MAGI3: variants seen among roughly 807,000 people sequenced by gnomAD.
MAGI3 encodes membrane-associated guanylate kinase, WW and PDZ domain-containing protein 3.
Under a neutral mutation model 121.8 loss-of-function variants are expected in MAGI3, and 43 were observed. That is an observed-to-expected ratio of 0.35 (90% confidence interval 0.28 to 0.46). The LOEUF is 0.46. MAGI3 is among the 20% of genes least tolerant of loss of function. The pLI is 1.00. For synonymous variants in MAGI3, 553 were observed against 639.3 expected (o/e 0.86, Z 2.04); for missense variants, 1,547 against 1,797.3 (o/e 0.86, Z 2.52).
chr1:113,568,220 T>C (rs1057151778), intron 2 of MAGI3, among the ~76,000 whole-genome samples: 7 of 152,036 alleles, frequency 4.6e-5, no homozygotes, highest in African/African-American at 1.7e-4. Flanking sequence ...TTTCATACCA[T>C]CAATATTTAG....
intron 1 of MAGI3, chr1:113,404,275 A>G (rs976282919): frequency 6.6e-6 from 1 of 152,170 alleles, no homozygotes; most frequent in Non-Finnish European, 1.5e-5. Context: ...AACTAAGACA[A>G]AAAGGAAAGA....
intron 8 of MAGI3, among the ~76,000 whole-genome samples, chr1:113,620,936 G>T (rs545766215): frequency 1.3e-5 from 2 of 152,106 alleles, no homozygotes; most frequent in Non-Finnish European, 2.9e-5. Context: ...TGCCTACAAT[G>T]GTATTAAGCA....
At chr1:113,567,250 CT>C (rs1388764222) in intron 2 of MAGI3, among the ~76,000 whole-genome samples, 1 of 151,822 alleles carries the variant, frequency 6.6e-6, no homozygotes, top group African/African-American at 2.4e-5. Context: ...AATAAAAAAT[CT>C]GAAAAGACCT....
intron 1 of MAGI3, among the ~76,000 whole-genome samples, chr1:113,533,369 T>C (rs1302475919): frequency 6.6e-6 from 1 of 152,140 alleles, no homozygotes; most frequent in Middle Eastern, 3.2e-3. Flanking sequence ...CATTTATAAA[T>C]GGTAGCTAAA....
At chr1:113,608,126 C>A (rs1010984429) in intron 6 of MAGI3, among the ~76,000 whole-genome samples, 1 of 151,986 alleles carries the variant, frequency 6.6e-6, no homozygotes, top group Non-Finnish European at 1.5e-5. Context: ...AGTTATATTG[C>A]ATTGTAACTA....
At chr1:113,535,464 CTCT>C (rs1397945216) in intron 1 of MAGI3, among the ~76,000 whole-genome samples, 2 of 151,946 alleles carry the variant, frequency 1.3e-5, no homozygotes, top group Admixed American at 6.6e-5. Context: ...CTGCACCTTC[CTCT>C]TTTTTTTAAC....
In MAGI3 at chr1:113,391,123, C is replaced by T. The variant is rs754521014; in HGVS notation, c.90C>T (p.Gly30=). The change falls in exon 1 of 21, where the codon GGC becomes GGT. Residue 30 remains glycine, a synonymous_variant. Transcript: ENST00000307546. The surrounding 1 kb of genome is among the most constrained non-coding windows in gnomAD (Gnocchi z 4.4). ...VSWAGPPGDF[G]AEIRGGAERG... ...GGGCCGGGCCCCCGGGCGACTTCGG[C>T]GCGGAGATCCGCGGTGGCGCGGAGC... 4 of 1,571,682 alleles carry T rather than the reference C, an allele frequency of 2.5e-6. No individual in the cohort carries two copies. Among genetic ancestry groups the T allele is most frequent in the East Asian group, 2.3e-5 (1 of 42,954 alleles).
rs1265251589 is a variant in MAGI3 at position 113,422,740 on chromosome 1, A to G, written c.316+31391A>G. ...GAGATACCAGGAACAGCAGAACCCT[A>G]TTGCCCTCAGTGTGGCGAGTGGGGG... On this transcript the variant is annotated intron_variant, in intron 1 of 20. Transcript: ENST00000307546. The surrounding 1 kb of genome is among the most constrained non-coding windows in gnomAD (Gnocchi z 4.3). Among the ~76,000 whole-genome samples, 1 of 152,068 alleles carries G rather than the reference A, an allele frequency of 6.6e-6. No individual in the cohort carries two copies. The highest frequency in any genetic ancestry group is 1.5e-5 in the Non-Finnish European group (1 of 68,018).
intron 1 of MAGI3, among the ~76,000 whole-genome samples, chr1:113,547,894 T>C (rs1242702766): frequency 6.6e-6 from 1 of 152,156 alleles, no homozygotes; most frequent in Non-Finnish European, 1.5e-5. Flanking sequence ...TCACAAAGGC[T>C]CCCCCTTGCT....
intron 1 of MAGI3, among the ~76,000 whole-genome samples, chr1:113,506,890 A>C (rs1657361790): frequency 6.6e-6 from 1 of 152,128 alleles, no homozygotes; most frequent in Admixed American, 6.6e-5. Context: ...TCTACTGGGT[A>C]GTCGAGCTGG....
At chr1:113,669,306 T>C (rs1488574425) in intron 16 of MAGI3, among the ~76,000 whole-genome samples, 1 of 152,208 alleles carries the variant, frequency 6.6e-6, no homozygotes, top group Admixed American at 6.5e-5. Flanking sequence ...AACTGAGATG[T>C]GATTCTTGCA....
At chr1:113,646,400 A>G in intron 11 of MAGI3, 86 bp from the exon 12 acceptor site, 2 of 1,100,658 alleles carry the variant, frequency 1.8e-6, no homozygotes, top group Non-Finnish European at 2.6e-6. Context: ...TAATCAGTTG[A>G]CATATCCATT....
chr1:113,634,322 C>A (rs1309001511), intron 9 of MAGI3, among the ~76,000 whole-genome samples: 3 of 151,958 alleles, frequency 2.0e-5, no homozygotes, highest in Non-Finnish European at 4.4e-5. Context: ...ATGCCTATGT[C>A]CTGAATGGTA....
chr1:113,412,864 A>C (rs1652075975), intron 1 of MAGI3, among the ~76,000 whole-genome samples: 1 of 152,170 alleles, frequency 6.6e-6, no homozygotes. Context: ...TTTGCCTTGC[A>C]GAAGCTCTTT....
chr1:113,579,450 G>A (rs567051950), intron 2 of MAGI3, among the ~76,000 whole-genome samples: 51 of 152,288 alleles, frequency 3.3e-4, no homozygotes, highest in African/African-American at 1.1e-3. Context: ...AAGAATTTGG[G>A]GAGGTTGCCA....
At chr1:113,432,184 A>G (rs886806103) in intron 1 of MAGI3, among the ~76,000 whole-genome samples, 2 of 152,256 alleles carry the variant, frequency 1.3e-5, no homozygotes, top group African/African-American at 4.8e-5. Flanking sequence ...CCCTATATAA[A>G]AATCCATTTC....
At chr1:113,669,064 C>G (rs1359605125) in intron 16 of MAGI3, among the ~76,000 whole-genome samples, 1 of 152,156 alleles carries the variant, frequency 6.6e-6, no homozygotes, top group Admixed American at 6.5e-5. Context: ...AATTATCTCT[C>G]TTGACCACAT....
chr1:113,421,762 G>A (rs1652743492), intron 1 of MAGI3, among the ~76,000 whole-genome samples: 1 of 152,150 alleles, frequency 6.6e-6, no homozygotes, highest in African/African-American at 2.4e-5. Flanking sequence ...CCAGATATAA[G>A]GGACTATGGC....
At chr1:113,649,350 C>A (rs371026963) in intron 13 of MAGI3, 22 bp downstream of exon 13, 4 of 1,548,210 alleles carry the variant, frequency 2.6e-6, no homozygotes, top group Non-Finnish European at 3.5e-6. Flanking sequence ...TTCTTTGGAA[C>A]ATGGCTGTTT....
Sources: allele counts gnomAD v4.1 joint callset (sites outside exome capture counted in the v4.1 genomes callset), GRCh38; gene constraint gnomAD v4.1.1; non-coding constraint Gnocchi (gnomAD v3.1); transcripts MANE v1.5; gene names NCBI Gene and HGNC (gene_info 2026-07-23, HGNC 2026-07-21).